The following HIBADH variants were observed in gnomAD, a reference collection of about 807,000 sequenced individuals.
HIBADH encodes the protein 3-hydroxyisobutyrate dehydrogenase, also known as 3-hydroxyisobutyrate dehydrogenase, mitochondrial.
HIBADH carries 25 observed loss-of-function variants against 36.1 expected under a neutral mutation model. That is an observed-to-expected ratio of 0.69 (90% CI 0.50 to 0.97). The LOEUF (loss-of-function observed/expected upper bound fraction) is 0.97. HIBADH is among the 50% of genes least tolerant of loss of function. HIBADH has a pLI of 0.00. For synonymous variants in HIBADH, 160 were observed against 149.5 expected (o/e 1.07, Z -0.51); for missense variants, 421 against 418.0 (o/e 1.01, Z -0.06).
At position 27,526,358 on chromosome 7, in the gene HIBADH, T is replaced by C. The variant is rs1031587543; in HGVS notation, c.867A>G (p.Ala289=). The C allele has an allele frequency of 1.9e-6, 3 of 1,611,242 alleles. No homozygotes were observed. The highest frequency in any genetic ancestry group is 2.5e-6 in the Non-Finnish European group (3 of 1,178,824). The change falls in exon 8 of 8, where the codon GCA becomes GCG. Residue 289 remains alanine, a synonymous_variant. Transcript: ENST00000265395. ...TCTTTGTGCTGGTAGCAGAGTCTTG[T>C]GCCAATCCCAGATCCTAAATCAAAC... ...TTLMAKDLGL[A]QDSATSTKSP... is the part of the protein sequence containing the mutation.
chr7:27,549,139 C>CA (rs953129480), intron 4 of HIBADH, among the ~76,000 whole-genome samples: 5 of 150,164 alleles, frequency 3.3e-5, no homozygotes, highest in Admixed American at 1.3e-4. Flanking sequence ...CTTATCAGAG[C>CA]AAAAAAAATA....
intron 4 of HIBADH, among the ~76,000 whole-genome samples, chr7:27,554,650 G>GT (rs1784365754): frequency 6.6e-6 from 1 of 152,126 alleles, no homozygotes; most frequent in African/African-American, 2.4e-5. Context: ...AACTTTGAGG[G>GT]TAGGTATACA....
intron 1 of HIBADH, among the ~76,000 whole-genome samples, chr7:27,656,652 G>T (rs1329760672): frequency 6.6e-6 from 1 of 152,164 alleles, no homozygotes; most frequent in East Asian, 1.9e-4. Flanking sequence ...TGGAGAGTTG[G>T]ACTACTGGGT....
At chr7:27,646,855 C>G (rs1214689255) in intron 2 of HIBADH, among the ~76,000 whole-genome samples, 1 of 152,048 alleles carries the variant, frequency 6.6e-6, no homozygotes, top group Non-Finnish European at 1.5e-5. Flanking sequence ...GCCACCGCGC[C>G]TGGCTAATTT....
intron 7 of HIBADH, among the ~76,000 whole-genome samples, chr7:27,530,129 G>A (rs1263280508): frequency 6.6e-6 from 1 of 151,192 alleles, no homozygotes; most frequent in African/African-American, 2.5e-5. Flanking sequence ...TGTGTGACTT[G>A]TTGTGGTTGT....
chr7:27,623,866 C>G (rs542508404), intron 4 of HIBADH, among the ~76,000 whole-genome samples: 1 of 152,312 alleles, frequency 6.6e-6, no homozygotes, highest in African/African-American at 2.4e-5. Flanking sequence ...GGTGCGATCT[C>G]AGCTCACTGC....
chr7:27,599,098 C>A (rs976105762), intron 4 of HIBADH, among the ~76,000 whole-genome samples: 1 of 151,898 alleles, frequency 6.6e-6, no homozygotes, highest in Non-Finnish European at 1.5e-5. Flanking sequence ...AATTTTAGTT[C>A]GTTACGGAAA....
intron 4 of HIBADH, among the ~76,000 whole-genome samples, chr7:27,563,900 C>CTTTTTTTTT (rs56869443): frequency 7.5e-6 from 1 of 133,504 alleles, no homozygotes; most frequent in Non-Finnish European, 1.6e-5. Context: ...TGTTAATTTT[C>CTTTTTTTTT]TTTTTTTTTT....
intron 4 of HIBADH, among the ~76,000 whole-genome samples, chr7:27,550,330 C>A (rs1166234749): frequency 6.6e-6 from 1 of 152,194 alleles, no homozygotes; most frequent in East Asian, 1.9e-4. Context: ...TGTACCCTCT[C>A]TTCTGTCTTC....
At chr7:27,639,445 A>G (rs1785919878) in intron 2 of HIBADH, among the ~76,000 whole-genome samples, 1 of 152,048 alleles carries the variant, frequency 6.6e-6, no homozygotes, top group South Asian at 2.1e-4. Context: ...CTGAGGGGGG[A>G]GGGAGGGACA....
At chr7:27,606,083 T>C (rs1398204439) in intron 4 of HIBADH, among the ~76,000 whole-genome samples, 1 of 110,684 alleles carries the variant, frequency 9.0e-6, no homozygotes, top group Non-Finnish European at 1.8e-5. Flanking sequence ...GACAATTTCC[T>C]CAGCATTTAA....
intron 2 of HIBADH, among the ~76,000 whole-genome samples, chr7:27,645,382 T>TTTTTTTTTTTTTTTTTTG (rs1562657294): frequency 1.1e-4 from 14 of 129,076 alleles, no homozygotes; most frequent in African/African-American, 3.8e-4. Context: ...TTTTTTTTTT[T>TTTTTTTTTTTTTTTTTTG]TTTTTTTTTT....
intron 3 of HIBADH, among the ~76,000 whole-genome samples, chr7:27,629,825 A>G (rs1785715470): frequency 6.6e-6 from 1 of 152,186 alleles, no homozygotes; most frequent in Non-Finnish European, 1.5e-5. Flanking sequence ...TAAAACACCT[A>G]TTAACTTTAA....
intron 6 of HIBADH, among the ~76,000 whole-genome samples, chr7:27,537,673 A>C (rs1033969388): frequency 6.6e-6 from 1 of 152,196 alleles, no homozygotes; most frequent in African/African-American, 2.4e-5. Context: ...AAATTAAGAC[A>C]TTAACCTTAA....
Position 27,526,388 on chromosome 7 carries a change from G to A in HIBADH, c.853-16C>T, listed in dbSNP as rs954569348. The A allele has an allele frequency of 1.2e-6, 2 of 1,603,518 alleles. No individual in the cohort carries two copies. Among genetic ancestry groups the A allele is most frequent in the African/African-American group, 2.7e-5 (2 of 74,436 alleles). ...ATCCCAGATCCTAAATCAAACAGGA[G>A]GAGAGAACACGCTGAGACTGGTGGT... On this transcript the variant is annotated splice_polypyrimidine_tract_variant and intron_variant, in intron 7 of 7. Coordinates refer to ENST00000265395, the MANE Select transcript of HIBADH (RefSeq NM_152740.4).
chr7:27,612,557 T>C (rs13226102), intron 4 of HIBADH, among the ~76,000 whole-genome samples: 115,198 of 151,636 alleles, frequency 0.76, 44,205 homozygotes, highest in East Asian at 0.94. Flanking sequence ...CTCCTGACCT[T>C]AGGTGATCTG....
intron 4 of HIBADH, among the ~76,000 whole-genome samples, chr7:27,585,587 T>C (rs1305835156): frequency 1.3e-5 from 2 of 152,168 alleles, no homozygotes; most frequent in East Asian, 3.8e-4. Context: ...CCCTGTCTAA[T>C]TCACTGGGAT....
chr7:27,586,364 G>A (rs1353670276), intron 4 of HIBADH, among the ~76,000 whole-genome samples: 1 of 140,834 alleles, frequency 7.1e-6, no homozygotes, highest in Non-Finnish European at 1.5e-5. Flanking sequence ...GAGACAGGGA[G>A]AGAGAGAAGG....
At chr7:27,656,490 A>G (rs938981699) in intron 1 of HIBADH, among the ~76,000 whole-genome samples, 1 of 152,196 alleles carries the variant, frequency 6.6e-6, no homozygotes, top group South Asian at 2.1e-4. Context: ...TTTATCTAAA[A>G]TTATAGGAAA....
Sources: allele counts gnomAD v4.1 joint callset (sites outside exome capture counted in the v4.1 genomes callset), GRCh38; gene constraint gnomAD v4.1.1; transcripts MANE v1.5; gene names NCBI Gene and HGNC (gene_info 2026-07-23, HGNC 2026-07-21).